The following LRCH4 variants were observed in gnomAD, a reference collection of about 807,000 sequenced individuals.
LRCH4 encodes leucine rich repeats and calponin homology domain containing 4.
LRCH4 carries 56 observed loss-of-function variants against 81.2 expected under a neutral mutation model. The ratio of observed to expected loss-of-function variants is 0.69; its 90% confidence interval spans 0.56 to 0.86. The LOEUF is 0.86. Among genes scored for constraint, LRCH4 ranks in the 40% least tolerant of loss-of-function variants. The pLI is 0.00. For missense variants in LRCH4, 895 were observed against 922.8 expected, an observed-to-expected ratio of 0.97 and a Z score of 0.39; for synonymous variants, 442 against 409.7, an observed-to-expected ratio of 1.08 and a Z score of -0.95.
In LRCH4 at chr7:100,574,893, A is replaced by G; in HGVS notation, c.*214T>C. ...ACATGAAGGCACCGTCAGCACTGAGAGGTGGGGACTCGTGGGGCTACTGGA... is the reference window on the plus strand; with the variant it reads ...ACATGAAGGCACCGTCAGCACTGAGGGGTGGGGACTCGTGGGGCTACTGGA... On this transcript the variant is annotated 3_prime_UTR_variant, in exon 18 of 18. Coordinates refer to ENST00000310300, the MANE Select transcript of LRCH4 (RefSeq NM_002319.5). 3.8e-6 allele frequency: 2 copies of G among 527,282 alleles called. No homozygotes were observed. The highest frequency in any genetic ancestry group is 6.8e-6 in the Non-Finnish European group (2 of 295,678). 32.7% of individuals were successfully genotyped at this position (527,282 alleles called of 1,614,324 possible). A position where few individuals can be genotyped will look rare whatever the true frequency, so the allele number is the denominator to read the frequency against.
At chr7:100,585,088 C>G (rs1453934084) in intron 1 of LRCH4, 3 of 242,444 alleles carry the variant, frequency 1.2e-5, no homozygotes, top group African/African-American at 2.3e-5. Flanking sequence ...CAGTCTCTAG[C>G]TGGCCAGCAC....
rs954786877 is a variant in LRCH4 at position 100,583,499 on chromosome 7, C to G, written c.221-1040G>C. Among the ~76,000 whole-genome samples the G allele has an allele frequency of 6.6e-6, 1 of 152,136 alleles. No homozygotes were observed. Among genetic ancestry groups the G allele is most frequent in the African/African-American group, 2.4e-5 (1 of 41,436 alleles). On this transcript the variant is annotated intron_variant, in intron 1 of 17. Transcript: ENST00000310300. The surrounding 1 kb of genome is among the most constrained non-coding windows in gnomAD (Gnocchi z 4.3). The stretch of plus-strand genomic sequence containing the variant: ...CCCAGGCCACAGACCTGGTGAGCTT[C>G]TCCAAGGGCCCTTCTCAGGGAAGGG...
At chr7:100,580,648 C>G (rs1801513360) in intron 4 of LRCH4, 1 of 151,966 alleles carries the variant, frequency 6.6e-6, no homozygotes, top group African/African-American at 2.4e-5. Flanking sequence ...CACACAGACA[C>G]AAACACACAT....
At chr7:100,580,832 CACAG>C (rs1801528945) in intron 4 of LRCH4, 1 of 147,062 alleles carries the variant, frequency 6.8e-6, no homozygotes, top group South Asian at 2.1e-4. Flanking sequence ...TGCACAGACA[CACAG>C]ACACATGCAC....
In LRCH4 at chr7:100,582,292, T is replaced by C. The variant is rs778457904; in HGVS notation, c.365+23A>G. On this transcript the variant is annotated intron_variant, in intron 2 of 17. Coordinates refer to ENST00000310300, the MANE Select transcript of LRCH4 (RefSeq NM_002319.5). The surrounding 1 kb of genome is among the most constrained non-coding windows in gnomAD (Gnocchi z 5.0). The stretch of plus-strand genomic sequence containing the variant: ...AGACTGAGAAGCACACGCTCCCACG[T>C]GGCCCTGGCTCGGCCTCCCTACCTG... The C allele has an allele frequency of 6.2e-7, 1 of 1,614,064 alleles. No homozygotes were observed. The highest frequency in any genetic ancestry group is 1.1e-5 in the South Asian group (1 of 91,086).
Position 100,575,194 on chromosome 7 carries a change from G to A in LRCH4, c.1965C>T (p.Pro655=). Reference sequence around the variant, plus strand: ...CGACGAAGCCGCCCAGACCAGAGGGGGGCCAGAGGGGCGGTAGGGCCTTGC... The same window carrying A: ...CGACGAAGCCGCCCAGACCAGAGGGAGGCCAGAGGGGCGGTAGGGCCTTGC... ...VGGKALPPLW[P]PSGLGGFVVF... The change falls in exon 18 of 18, where the codon CCC becomes CCT. Residue 655 remains proline, a synonymous_variant. Coordinates refer to ENST00000310300, the MANE Select transcript of LRCH4 (RefSeq NM_002319.5). This position sits in a 1 kb window ranked among gnomAD's most constrained non-coding sequence, Gnocchi z 5.3. 1.2e-6 allele frequency: 2 copies of A among 1,612,724 alleles called. No homozygotes were observed. The highest frequency in any genetic ancestry group is 1.1e-5 in the South Asian group (1 of 90,880).
At chr7:100,576,056 C>G in intron 15 of LRCH4, 48 bp from the exon 16 acceptor site, 1 of 1,568,850 alleles carries the variant, frequency 6.4e-7, no homozygotes, top group Non-Finnish European at 8.6e-7. Context: ...GGAGAGGCGT[C>G]TGGGAGGCAG....
Position 100,576,973 on chromosome 7 carries a change from CCT to C in LRCH4, c.1395_1396del (p.Ala467CysfsTer70). On this transcript the variant is annotated frameshift_variant, in exon 13 of 18. Coordinates refer to ENST00000310300, the MANE Select transcript of LRCH4 (RefSeq NM_002319.5). LOFTEE classifies it high-confidence loss of function. ...GGGGGCTCCCTGCCCCGCTGCAGCC[CCT>C]GCTTGGGAGGCACTGGACTTAGGCG... The C allele has an allele frequency of 2.5e-6, 4 of 1,601,396 alleles. No individual in the cohort carries two copies. The highest frequency in any genetic ancestry group is 3.4e-6 in the Non-Finnish European group (4 of 1,171,364).
At chr7:100,584,344 T>C (rs1355050276) in intron 1 of LRCH4, 4 of 406,710 alleles carry the variant, frequency 9.8e-6, no homozygotes, top group Non-Finnish European at 2.0e-5. Flanking sequence ...AGGAGGGTTC[T>C]TGGGAAGCTG....
At position 100,577,428 on chromosome 7, in the gene LRCH4, G is replaced by A. The variant is rs755376710; in HGVS notation, c.1179-39C>T. The stretch of plus-strand genomic sequence containing the variant: ...ACAGGGCAAGAGGGGCAGACCCCGG[G>A]GTCAGGGAAGGAGGCGGTTGGGGGG... On this transcript the variant is annotated intron_variant, in intron 10 of 17. Coordinates refer to ENST00000310300, the MANE Select transcript of LRCH4 (RefSeq NM_002319.5). The surrounding 1 kb of genome is among the most constrained non-coding windows in gnomAD (Gnocchi z 6.7). 1.1e-5 allele frequency: 17 copies of A among 1,600,752 alleles called. No homozygotes were observed. The South Asian group carries it at 1.5e-4, about 14-fold the overall frequency.
chr7:100,577,545 G>A lies in LRCH4; in HGVS notation c.1130C>T (p.Pro377Leu). The change falls in exon 10 of 18, where the codon CCC becomes CTC. Residue 377 changes from proline (P) to leucine (L), a missense_variant. Pro to Leu is a moderately conservative substitution (Grantham distance 98). Coordinates refer to ENST00000310300, the MANE Select transcript of LRCH4 (RefSeq NM_002319.5). This position sits in a 1 kb window ranked among gnomAD's most constrained non-coding sequence, Gnocchi z 6.7. ...GTCCCCTGCCCCAGGGCTTAATTCGGGTGGTCGCTGCTCCTAAGGAGAGAA... is the reference window on the plus strand; with the variant it reads ...GTCCCCTGCCCCAGGGCTTAATTCGAGTGGTCGCTGCTCCTAAGGAGAGAA... ...ERGTVEEQRP[P>L]ELSPGAGDRE... 6.2e-7 allele frequency: 1 copy of A among 1,610,788 alleles called. No homozygotes were observed. The highest frequency in any genetic ancestry group is 1.1e-5 in the South Asian group (1 of 91,090).
rs1394390622 is a variant in LRCH4, at chr7:100,574,898, G to A, written c.*209C>T. The A allele has an allele frequency of 5.5e-6, 3 of 541,422 alleles. No individual in the cohort carries two copies. The highest frequency in any genetic ancestry group is 1.9e-5 in the African/African-American group (1 of 52,884). 33.5% of individuals were successfully genotyped at this position (541,422 alleles called of 1,614,324 possible). ...AAGGCACCGTCAGCACTGAGAGGTG[G>A]GGACTCGTGGGGCTACTGGAGGGAG... On this transcript the variant is annotated 3_prime_UTR_variant, in exon 18 of 18. Transcript: ENST00000310300.
intron 3 of LRCH4, 45 bp downstream of exon 3, chr7:100,581,996 T>C (rs773708974): frequency 3.1e-6 from 5 of 1,600,654 alleles, no homozygotes; most frequent in Non-Finnish European, 4.3e-6. Context: ...AAGGTCCCGC[T>C]GCCTGGCTCA....
Position 100,582,244 on chromosome 7 carries a change from G to C in LRCH4, c.365+71C>G. The C allele has an allele frequency of 6.2e-7, 1 of 1,612,690 alleles. No individual in the cohort carries two copies. On this transcript the variant is annotated intron_variant, in intron 2 of 17. Coordinates refer to ENST00000310300, the MANE Select transcript of LRCH4 (RefSeq NM_002319.5). The surrounding 1 kb of genome is among the most constrained non-coding windows in gnomAD (Gnocchi z 5.0). The stretch of plus-strand genomic sequence containing the variant: ...CACTGCCATCCTCTCGGGGTCACTG[G>C]GTGGGTCACTCAGTAGTACTTGAGA...
chr7:100,575,068 GAGGA>G lies in LRCH4; in HGVS notation c.*35_*38del, dbSNP rs1801300624. ...GTGGAGCAGGGACCTTATAAATAGA[GAGGA>G]AGGGAAAGGGGTGAGGGAGGGCCGA... On this transcript the variant is annotated 3_prime_UTR_variant, in exon 18 of 18. Coordinates refer to ENST00000310300, the MANE Select transcript of LRCH4 (RefSeq NM_002319.5). The surrounding 1 kb of genome is among the most constrained non-coding windows in gnomAD (Gnocchi z 5.3). 2.6e-6 allele frequency: 4 copies of G among 1,563,540 alleles called. No individual in the cohort carries two copies. The highest frequency in any genetic ancestry group is 1.9e-4 in the Middle Eastern group (1 of 5,156).
At chr7:100,581,349 G>A (rs769915961) in intron 4 of LRCH4, among the ~76,000 whole-genome samples, 1 of 152,232 alleles carries the variant, frequency 6.6e-6, no homozygotes, top group African/African-American at 2.4e-5. Context: ...TTCCTGGCCT[G>A]TAACTTCTTC....
At position 100,575,318 on chromosome 7, in the gene LRCH4, GAGC is replaced by G. The variant is rs755720780; in HGVS notation, c.1855-17_1855-15del. The G allele has an allele frequency of 1.3e-6, 2 of 1,529,226 alleles. No individual in the cohort carries two copies. The highest frequency in any genetic ancestry group is 4.1e-5 in the Admixed American group (2 of 49,184). The allele number at this position is 1,529,226 out of a possible 1,614,324, so 94.7% of individuals were successfully genotyped here. A position where few individuals can be genotyped will look rare whatever the true frequency, so the allele number is the denominator to read the frequency against. ...GCACAGGTCAGCCTGGGGGAGAGGA[GAGC>G]AGGTGGACAAGGACAAGGGACAGAC... On this transcript the variant is annotated splice_polypyrimidine_tract_variant and intron_variant, in intron 17 of 17. Transcript: ENST00000310300. This position sits in a 1 kb window ranked among gnomAD's most constrained non-coding sequence, Gnocchi z 5.3.
intron 1 of LRCH4, 122 bp downstream of exon 1, chr7:100,585,759 G>T: frequency 1.9e-6 from 2 of 1,048,798 alleles, no homozygotes; most frequent in South Asian, 1.9e-5. Flanking sequence ...AGGGCAATCA[G>T]GAGGGGCAGC....
At position 100,577,040 on chromosome 7, in the gene LRCH4, G is replaced by A. The variant is rs751178031; in HGVS notation, c.1365-35C>T. On this transcript the variant is annotated intron_variant, in intron 12 of 17. Transcript: ENST00000310300. The surrounding 1 kb of genome is among the most constrained non-coding windows in gnomAD (Gnocchi z 6.7). ...GACAGAAGGGAATTAGAGGGATGAT[G>A]GTCATAGGAAGAGGAGTGGGGAGGG... is the stretch of plus-strand genomic sequence containing the variant. 1.2e-6 allele frequency: 2 copies of A among 1,613,880 alleles called. No individual in the cohort carries two copies. The highest frequency in any genetic ancestry group is 1.7e-5 in the Admixed American group (1 of 60,018).
Sources: allele counts gnomAD v4.1 joint callset (sites outside exome capture counted in the v4.1 genomes callset), GRCh38; gene constraint gnomAD v4.1.1; non-coding constraint Gnocchi (gnomAD v3.1); transcripts MANE v1.5; gene names NCBI Gene and HGNC (gene_info 2026-07-23, HGNC 2026-07-21).